The following LIMS1 variants were observed in gnomAD, a reference collection of about 807,000 sequenced individuals.
LIMS1 encodes the protein LIM and senescent cell antigen-like-containing domain protein 1.
A neutral mutation model predicts 44.1 loss-of-function variants in LIMS1; 18 were observed. The observed-to-expected ratio is 0.41, with a 90% CI of 0.28 to 0.61. LIMS1 has a LOEUF of 0.61. LIMS1 is among the 20% of genes least tolerant of loss of function. The probability of loss-of-function intolerance (pLI) is 0.32; values close to 1 mark genes in which losing one functional copy is unlikely to be tolerated. For missense variants in LIMS1, 201 were observed against 422.0 expected (o/e 0.48, Z 4.59); for synonymous variants, 93 against 149.1 (o/e 0.62, Z 2.74).
intron 2 of LIMS1, chr2:108,660,782 A>G (rs1168540766): frequency 5.5e-6 from 1 of 180,788 alleles, no homozygotes; most frequent in Non-Finnish European, 1.2e-5. Flanking sequence ...AGAAATGCTG[A>G]CCCCAGGCTA....
intron 1 of LIMS1, among the ~76,000 whole-genome samples, chr2:108,561,204 T>A (rs1484887628): frequency 1.3e-5 from 2 of 152,374 alleles, no homozygotes; most frequent in East Asian, 3.9e-4. Flanking sequence ...CTTTCCACAG[T>A]GGCTGAACTA....
chr2:108,681,370 T>A, intron 9 of LIMS1: 9 of 984,340 alleles, frequency 9.1e-6, no homozygotes, highest in Non-Finnish European at 1.1e-5. Flanking sequence ...TGTATTTCAC[T>A]TACTCTGTAG....
chr2:108,544,543 C>T (rs1684421668), intron 1 of LIMS1, among the ~76,000 whole-genome samples: 1 of 152,084 alleles, frequency 6.6e-6, no homozygotes, highest in Admixed American at 6.5e-5. Context: ...GTTGTCCAGG[C>T]TGGAGTACAC....
intron 1 of LIMS1, among the ~76,000 whole-genome samples, chr2:108,630,494 A>G (rs944945166): frequency 1.4e-5 from 2 of 147,050 alleles, no homozygotes; most frequent in African/African-American, 2.7e-5. Flanking sequence ...GGGATTCGTT[A>G]TACTCACTCG....
In LIMS1 at chr2:108,680,617, G is replaced by A. The variant is rs2433844; in HGVS notation, c.824-78G>A. ...ACAGACACAGTCGTAGTTCTGTTTT[G>A]GAGTTGAAATTCTAAGCTGCCCTGC... On this transcript the variant is annotated intron_variant, in intron 8 of 9. Coordinates refer to ENST00000544547, the Ensembl canonical transcript of LIMS1. 124 of 1,602,690 alleles carry A rather than the reference G, an allele frequency of 7.7e-5. No homozygotes were observed. In the African/African-American group the frequency reaches 1.1e-3, roughly 14 times the overall value.
intron 2 of LIMS1, among the ~76,000 whole-genome samples, chr2:108,668,878 T>C (rs900009532): frequency 1.3e-5 from 2 of 152,228 alleles, no homozygotes; most frequent in Non-Finnish European, 2.9e-5. Context: ...TATAATGTAG[T>C]ATGGCATAGT....
chr2:108,544,017 CTCTT>C (rs1684403110), intron 1 of LIMS1, among the ~76,000 whole-genome samples: 2 of 152,160 alleles, frequency 1.3e-5, no homozygotes, highest in Admixed American at 6.5e-5. Flanking sequence ...CACAGCAAGA[CTCTT>C]TCTTTCTCTG....
intron 1 of LIMS1, among the ~76,000 whole-genome samples, chr2:108,570,695 G>A (rs1286343523): frequency 5.3e-5 from 8 of 152,172 alleles, no homozygotes; most frequent in Non-Finnish European, 8.8e-5. Context: ...TGGCCATCCT[G>A]GGAGGCGGTG....
At chr2:108,573,448 G>A (rs368066462) in intron 1 of LIMS1, among the ~76,000 whole-genome samples, 12 of 152,170 alleles carry the variant, frequency 7.9e-5, no homozygotes, top group African/African-American at 2.9e-4. Flanking sequence ...AATACTTAAC[G>A]ATACACCAGC....
At chr2:108,639,368 G>C (rs1689505835) in intron 1 of LIMS1, among the ~76,000 whole-genome samples, 1 of 152,194 alleles carries the variant, frequency 6.6e-6, no homozygotes, top group South Asian at 2.1e-4. Context: ...TGGAAATGTT[G>C]ATCATCACTT....
intron 1 of LIMS1, among the ~76,000 whole-genome samples, chr2:108,602,684 G>A (rs141999259): frequency 7.6e-4 from 116 of 152,296 alleles, no homozygotes; most frequent in Middle Eastern, 6.8e-3. Flanking sequence ...GAATGATTGT[G>A]TTGTTGAATT....
At chr2:108,662,831 T>C (rs1165040751) in intron 2 of LIMS1, 2 of 790,354 alleles carry the variant, frequency 2.5e-6, no homozygotes, top group African/African-American at 1.9e-5. Flanking sequence ...TGTCTCGTTA[T>C]CAGAACAACT....
chr2:108,595,292 C>T (rs1418534504), intron 1 of LIMS1, among the ~76,000 whole-genome samples: 1 of 152,070 alleles, frequency 6.6e-6, no homozygotes, highest in Admixed American at 6.5e-5. Context: ...ATGTCATTCC[C>T]AAAGAATCTT....
At chr2:108,681,422 T>C (rs1692985770) in intron 9 of LIMS1, 20 of 974,640 alleles carry the variant, frequency 2.1e-5, no homozygotes, top group Non-Finnish European at 2.4e-5. Context: ...AGTATACATT[T>C]CTTTCTTTTT....
rs184887505 is a variant in LIMS1 at position 108,674,380 on chromosome 2, T to G, written c.530+1351T>G. ...TTTACTGTAGTTAATGTGAACTTACTTGCTAAATTATAGTAGGGATGGAGA... is the reference window on the plus strand; with the variant it reads ...TTTACTGTAGTTAATGTGAACTTACGTGCTAAATTATAGTAGGGATGGAGA... On this transcript the variant is annotated intron_variant, in intron 5 of 9. Coordinates refer to ENST00000544547, the Ensembl canonical transcript of LIMS1. Among the ~76,000 whole-genome samples the G allele has an allele frequency of 3.1e-3, 471 of 152,188 alleles. 4 individuals carry two copies. Among genetic ancestry groups the G allele is most frequent in the African/African-American group, 0.011 (444 of 41,516 alleles).
chr2:108,639,479 G>A (rs1156754296), intron 1 of LIMS1, among the ~76,000 whole-genome samples: 4 of 152,204 alleles, frequency 2.6e-5, no homozygotes, highest in South Asian at 2.1e-4. Context: ...TTGAGACTAA[G>A]TCTCGCTCTA....
At chr2:108,533,756 G>A (rs562625609), upstream of LIMS1, 1 of 152,638 alleles carries the variant, frequency 6.6e-6, no homozygotes, top group Admixed American at 6.5e-5. Flanking sequence ...GAAAATGAGA[G>A]CTAGCAAGGA....
chr2:108,581,722 G>A (rs1685892790), intron 1 of LIMS1, among the ~76,000 whole-genome samples: 1 of 152,166 alleles, frequency 6.6e-6, no homozygotes, highest in South Asian at 2.1e-4. Context: ...CAGATCACCT[G>A]AGGTCAGGAG....
intron 9 of LIMS1, chr2:108,681,726 G>A: frequency 3.2e-6 from 1 of 311,834 alleles, no homozygotes; most frequent in Non-Finnish European, 4.7e-6. Context: ...TTTGAGACCA[G>A]CCTGGACTAC....
Sources: gnomAD v4.1 joint callset for allele counts (sites outside exome capture counted in the v4.1 genomes callset) on GRCh38, gnomAD v4.1.1 for gene constraint, MANE v1.5 for transcripts, NCBI Gene and HGNC (gene_info 2026-07-23, HGNC 2026-07-21) for gene names.